Variants in ALX4 observed in about 807,000 individuals in gnomAD.
ALX4 encodes the protein homeobox protein aristaless-like 4.
Under a neutral mutation model 40.6 loss-of-function variants are expected in ALX4, and 22 were observed. The observed-to-expected ratio is 0.54, with a 90% CI of 0.39 to 0.77. ALX4 has a LOEUF of 0.77. Among genes scored for constraint, ALX4 ranks in the 30% least tolerant of loss-of-function variants. ALX4 has a pLI of 0.00. For missense variants in ALX4, 556 were observed against 564.8 expected (o/e 0.98, Z 0.16); for synonymous variants, 266 against 240.5 (o/e 1.11, Z -0.98).
intron 3 of ALX4, among the ~76,000 whole-genome samples, chr11:44,266,530 G>C (rs946389704): frequency 1.2e-4 from 19 of 152,338 alleles, no homozygotes; most frequent in African/African-American, 4.6e-4. Context: ...TCTGGTTGGA[G>C]AGCCAGAGAC....
intron 3 of ALX4, among the ~76,000 whole-genome samples, chr11:44,266,540 C>T (rs1956215046): frequency 6.6e-6 from 1 of 152,172 alleles, no homozygotes; most frequent in African/African-American, 2.4e-5. Context: ...GAGCCAGAGA[C>T]CATTTGCTAG....
At chr11:44,298,018 G>A (rs927630032) in intron 1 of ALX4, among the ~76,000 whole-genome samples, 3 of 152,328 alleles carry the variant, frequency 2.0e-5, no homozygotes, top group Non-Finnish European at 4.4e-5. Context: ...ATTCTAACCA[G>A]GCTATGGGCT....
At chr11:44,265,257 G>T in intron 3 of ALX4, 74 bp from the exon 4 acceptor site, 1 of 1,346,142 alleles carries the variant, frequency 7.4e-7, no homozygotes, top group Non-Finnish European at 1.0e-6. Flanking sequence ...CCTTCCCCCA[G>T]AGCACCTCTC....
chr11:44,279,851 TGTCC>T (rs1956298647), intron 1 of ALX4, among the ~76,000 whole-genome samples: 2 of 152,244 alleles, frequency 1.3e-5, no homozygotes, highest in Non-Finnish European at 2.9e-5. Flanking sequence ...TCATGCCGTT[TGTCC>T]CTTCTCAGCC....
rs764877187 is a variant in ALX4, at chr11:44,309,917, G to A, written c.146C>T (p.Ser49Leu). Reference sequence around the variant, plus strand: ...GAATCCCTGTGCTTTGGCGGCGGCCGACAGGAAAGTTGTGCCGAACTTGTC... The same window carrying A: ...GAATCCCTGTGCTTTGGCGGCGGCCAACAGGAAAGTTGTGCCGAACTTGTC... ...GGDKFGTTFL[S>L]AAAKAQGFGD... The change falls in exon 1 of 4, where the codon TCG becomes TTG. Residue 49 changes from serine to leucine, a missense_variant. By Grantham distance (145) the Ser-to-Leu change is moderately radical. Coordinates refer to ENST00000652299, the MANE Select transcript of ALX4 (RefSeq NM_021926.4). The A allele has an allele frequency of 1.5e-5, 24 of 1,590,854 alleles. No individual in the cohort carries two copies. Among genetic ancestry groups the A allele is most frequent in the East Asian group, 2.3e-5 (1 of 43,594 alleles).
intron 1 of ALX4, among the ~76,000 whole-genome samples, chr11:44,287,621 G>C (rs912448823): frequency 4.0e-5 from 6 of 150,660 alleles, no homozygotes; most frequent in South Asian, 2.1e-4. Context: ...GAAAAGAAAA[G>C]AAAACAAAAA....
chr11:44,307,105 G>A (rs967051749), intron 1 of ALX4, among the ~76,000 whole-genome samples: 5 of 144,826 alleles, frequency 3.5e-5, no homozygotes, highest in Non-Finnish European at 6.1e-5. Flanking sequence ...CCTGTCCTCA[G>A]AATTGGGTGC....
chr11:44,306,304 C>T (rs1956467964), intron 1 of ALX4, among the ~76,000 whole-genome samples: 1 of 152,220 alleles, frequency 6.6e-6, no homozygotes, highest in Non-Finnish European at 1.5e-5. Flanking sequence ...GAGGGTTTCT[C>T]TCACCAACTC....
chr11:44,265,684 G>C (rs1299365027), intron 3 of ALX4, among the ~76,000 whole-genome samples: 2 of 152,106 alleles, frequency 1.3e-5, no homozygotes, highest in South Asian at 4.1e-4. Context: ...TGAGGTGGGC[G>C]GCAGGGACCT....
intron 1 of ALX4, among the ~76,000 whole-genome samples, chr11:44,308,349 C>T (rs1956481864): frequency 6.6e-6 from 1 of 152,244 alleles, no homozygotes; most frequent in Non-Finnish European, 1.5e-5. Context: ...GTTATTCTAG[C>T]CACCAAGGCC....
chr11:44,271,966 G>A (rs145289354), intron 2 of ALX4, among the ~76,000 whole-genome samples: 7 of 152,288 alleles, frequency 4.6e-5, no homozygotes, highest in Non-Finnish European at 1.0e-4. Flanking sequence ...AGCACCTACA[G>A]GGCTGTCCCA....
At chr11:44,274,399 G>T (rs867058578) in intron 2 of ALX4, among the ~76,000 whole-genome samples, 1 of 150,954 alleles carries the variant, frequency 6.6e-6, no homozygotes, top group Middle Eastern at 3.5e-3. Context: ...TGTTGTGTTG[G>T]GTTGAGTTGA....
intron 2 of ALX4, among the ~76,000 whole-genome samples, chr11:44,272,652 AAAAAAAATTAGCTGGGT>A (rs1956255313): frequency 6.6e-6 from 1 of 150,766 alleles, no homozygotes; most frequent in Non-Finnish European, 1.5e-5. Flanking sequence ...ACCAAAAAAT[AAAAAAAATTAGCTGGGT>A]GTAGTGGTGC....
At chr11:44,277,013 G>A (rs986590090) in intron 1 of ALX4, among the ~76,000 whole-genome samples, 5 of 152,086 alleles carry the variant, frequency 3.3e-5, no homozygotes, top group African/African-American at 4.8e-5. Flanking sequence ...TGATAGCCCC[G>A]CCATGAATCC....
rs1956271950 is a variant in ALX4, at chr11:44,275,418, G to T, written c.707C>A (p.Thr236Asn). ...LEELEKVFQKTHYPDVYAREQ... is the reference protein window; with the variant it reads ...LEELEKVFQKNHYPDVYAREQ... ...CCGCGCATACACGTCTGGGTAGTGG[G>T]TCTTCTGGAAGACCTTCTCCAGCTC... Residue 236 changes from threonine (T) to asparagine (N), a missense_variant, in exon 2 of 4, where the codon ACC becomes AAC. Thr to Asn is a moderately conservative substitution (Grantham distance 65). Coordinates refer to ENST00000652299, the MANE Select transcript of ALX4 (RefSeq NM_021926.4). The T allele has an allele frequency of 3.7e-6, 6 of 1,614,200 alleles. No individual in the cohort carries two copies. Among genetic ancestry groups the T allele is most frequent in the Non-Finnish European group, 5.1e-6 (6 of 1,180,020 alleles).
chr11:44,264,859 T>C lies in ALX4; in HGVS notation c.1231A>G (p.Thr411Ala). 6.2e-7 allele frequency: 1 copy of C among 1,612,820 alleles called. No homozygotes were observed. The highest frequency in any genetic ancestry group is 1.1e-5 in the South Asian group (1 of 91,056). ...GACGGGGCAGGGGTGCCCTGTCATG[T>C]GGCCCAGGAAATGGCCGCACTGTGC... ...KEHSAAISWA[T>A] Residue 411 changes from threonine to alanine, a missense_variant, in exon 4 of 4, where the codon ACA becomes GCA. Coordinates refer to ENST00000652299, the MANE Select transcript of ALX4 (RefSeq NM_021926.4).
In ALX4 at chr11:44,297,427, T is replaced by C. The variant is rs536133453; in HGVS notation, c.466+12170A>G. ...TCTGAACCCTTTGGTAGAAAATAAATGGCCCAGGGGCCAGGCGCGGTGGCT... is the reference window on the plus strand; with the variant it reads ...TCTGAACCCTTTGGTAGAAAATAAACGGCCCAGGGGCCAGGCGCGGTGGCT... On this transcript the variant is annotated intron_variant, in intron 1 of 3. Coordinates refer to ENST00000652299, the MANE Select transcript of ALX4 (RefSeq NM_021926.4). 4.6e-5 allele frequency among the ~76,000 whole-genome samples: 7 copies of C among 152,110 alleles called. No individual in the cohort carries two copies. In the East Asian group the frequency reaches 1.4e-3, roughly 30 times the overall value.
At chr11:44,300,412 G>A (rs948890978) in intron 1 of ALX4, among the ~76,000 whole-genome samples, 2 of 152,180 alleles carry the variant, frequency 1.3e-5, no homozygotes, top group Non-Finnish European at 2.9e-5. Flanking sequence ...CCATCTCCAT[G>A]CTGGGATGTG....
At chr11:44,293,873 G>T (rs1166064630) in intron 1 of ALX4, among the ~76,000 whole-genome samples, 2 of 152,242 alleles carry the variant, frequency 1.3e-5, no homozygotes, top group Non-Finnish European at 2.9e-5. Context: ...GGGCTGGCCT[G>T]GTTCTCAGGA....
Sources: allele counts gnomAD v4.1 joint callset (sites outside exome capture counted in the v4.1 genomes callset), GRCh38; gene constraint gnomAD v4.1.1; transcripts MANE v1.5; gene names NCBI Gene and HGNC (gene_info 2026-07-23, HGNC 2026-07-21).